The following CNTNAP2 variants were observed in gnomAD, a reference collection of about 807,000 sequenced individuals.
CNTNAP2 encodes the protein contactin associated protein 2.
CNTNAP2 carries 98 observed loss-of-function variants against 155.2 expected under a neutral mutation model. The ratio of observed to expected loss-of-function variants is 0.63; its 90% CI spans 0.54 to 0.75. CNTNAP2 has a LOEUF of 0.75. CNTNAP2 is among the 30% of genes least tolerant of loss of function. The probability of loss-of-function intolerance (pLI) is 0.00; values close to 1 mark genes in which losing one functional copy is unlikely to be tolerated. For synonymous variants in CNTNAP2, 651 were observed against 631.2 expected, an observed-to-expected ratio of 1.03 and a Z score of -0.47; for missense variants, 1,727 against 1,688.1, an observed-to-expected ratio of 1.02 and a Z score of -0.40.
chr7:147,975,410 T>C (rs538900957), intron 14 of CNTNAP2, among the ~76,000 whole-genome samples: 86 of 151,988 alleles, frequency 5.7e-4, no homozygotes, highest in Non-Finnish European at 1.0e-3. Flanking sequence ...GTAAAATTCA[T>C]TGAACTGTAC....
chr7:146,555,828 G>A (rs1403517599), intron 1 of CNTNAP2, among the ~76,000 whole-genome samples: 1 of 152,102 alleles, frequency 6.6e-6, no homozygotes, highest in African/African-American at 2.4e-5. Context: ...TGACCTGGAA[G>A]AACATGTCTA....
At chr7:146,295,407 G>A (rs1171809053) in intron 1 of CNTNAP2, among the ~76,000 whole-genome samples, 1 of 152,042 alleles carries the variant, frequency 6.6e-6, no homozygotes, top group Non-Finnish European at 1.5e-5. Flanking sequence ...CAGTTTTCTA[G>A]GCTGGCTGAT....
chr7:146,335,765 C>T (rs1459970322), intron 1 of CNTNAP2, among the ~76,000 whole-genome samples: 4 of 152,164 alleles, frequency 2.6e-5, no homozygotes, highest in Non-Finnish European at 5.9e-5. Context: ...CATTTCCACA[C>T]ACAATCTGAA....
chr7:146,855,997 A>C (rs1184399525), intron 3 of CNTNAP2, among the ~76,000 whole-genome samples: 1 of 151,632 alleles, frequency 6.6e-6, no homozygotes, highest in Non-Finnish European at 1.5e-5. Flanking sequence ...CTAGTTAGAA[A>C]AATTTTACCA....
At chr7:148,309,876 G>T (rs1434935175) in intron 21 of CNTNAP2, among the ~76,000 whole-genome samples, 1 of 152,150 alleles carries the variant, frequency 6.6e-6, no homozygotes, top group African/African-American at 2.4e-5. Context: ...TAGTGGTAAA[G>T]TGTTGGGACG....
chr7:147,068,635 G>T (rs1799830319), intron 4 of CNTNAP2, among the ~76,000 whole-genome samples: 1 of 152,136 alleles, frequency 6.6e-6, no homozygotes, highest in Admixed American at 6.6e-5. Flanking sequence ...GGAACTACAG[G>T]CATGAGCCAC....
At chr7:147,733,613 A>AT (rs1323638162) in intron 13 of CNTNAP2, among the ~76,000 whole-genome samples, 5 of 152,148 alleles carry the variant, frequency 3.3e-5, no homozygotes, top group African/African-American at 1.2e-4. Flanking sequence ...CTTGGGCAAT[A>AT]TGGCCATTTT....
intron 3 of CNTNAP2, among the ~76,000 whole-genome samples, chr7:147,022,234 C>G (rs533699119): frequency 3.0e-4 from 46 of 152,060 alleles, no homozygotes; most frequent in Non-Finnish European, 5.4e-4. Flanking sequence ...TTCAGTGAGT[C>G]ATTGCCTGCC....
intron 20 of CNTNAP2, among the ~76,000 whole-genome samples, chr7:148,237,250 A>C (rs536697445): frequency 3.9e-5 from 6 of 152,230 alleles, no homozygotes; most frequent in Admixed American, 3.9e-4. Flanking sequence ...TCTTTCCCAC[A>C]TAATAGTAAA....
chr7:147,965,455 A>G (rs1246892468), intron 14 of CNTNAP2, among the ~76,000 whole-genome samples: 1 of 151,654 alleles, frequency 6.6e-6, no homozygotes, highest in Admixed American at 6.6e-5. Flanking sequence ...CTCCCATTTA[A>G]TTATCAGCTA....
chr7:146,627,998 G>A (rs552838888), intron 1 of CNTNAP2, among the ~76,000 whole-genome samples: 4 of 152,000 alleles, frequency 2.6e-5, no homozygotes, highest in Admixed American at 6.6e-5. Flanking sequence ...GTGTGGTCAC[G>A]TATATCTTTG....
At chr7:146,992,716 T>C (rs1440312725) in intron 3 of CNTNAP2, among the ~76,000 whole-genome samples, 1 of 152,108 alleles carries the variant, frequency 6.6e-6, no homozygotes, top group African/African-American at 2.4e-5. Flanking sequence ...ATTTTTTTTT[T>C]CTAGAACCAA....
At chr7:146,130,815 C>A (rs950804936) in intron 1 of CNTNAP2, among the ~76,000 whole-genome samples, 2 of 152,114 alleles carry the variant, frequency 1.3e-5, no homozygotes, top group African/African-American at 4.8e-5. Context: ...AGCAAAGGCA[C>A]GTCTTACATG....
intron 1 of CNTNAP2, among the ~76,000 whole-genome samples, chr7:146,213,246 A>C (rs1799063097): frequency 6.6e-6 from 1 of 152,292 alleles, no homozygotes; most frequent in Non-Finnish European, 1.5e-5. Flanking sequence ...AATTTAAAAG[A>C]AGCTTTCTTT....
At chr7:146,990,395 A>G (rs1437157531) in intron 3 of CNTNAP2, among the ~76,000 whole-genome samples, 1 of 152,182 alleles carries the variant, frequency 6.6e-6, no homozygotes, top group Non-Finnish European at 1.5e-5. Context: ...CTGACTGTAT[A>G]TCTGCCTTGT....
At chr7:146,547,729 T>A (rs1462478584) in intron 1 of CNTNAP2, among the ~76,000 whole-genome samples, 1 of 152,028 alleles carries the variant, frequency 6.6e-6, no homozygotes, top group East Asian at 1.9e-4. Context: ...TAGGTTGTTT[T>A]CATACCTTGG....
intron 1 of CNTNAP2, among the ~76,000 whole-genome samples, chr7:146,281,297 TG>T (rs1303470364): frequency 3.3e-4 from 50 of 152,348 alleles, no homozygotes; most frequent in Middle Eastern, 3.4e-3. Flanking sequence ...TAATAAAGGT[TG>T]AGTAACTTCC....
At chr7:148,231,661 G>C (rs773465237) in intron 20 of CNTNAP2, among the ~76,000 whole-genome samples, 3 of 152,044 alleles carry the variant, frequency 2.0e-5, no homozygotes, top group Non-Finnish European at 2.9e-5. Context: ...GGAGTACTGG[G>C]CTCATGTCTT....
chr7:148,370,656 TG>T (rs1798871283), intron 21 of CNTNAP2, among the ~76,000 whole-genome samples: 2 of 148,238 alleles, frequency 1.3e-5, no homozygotes, highest in Non-Finnish European at 3.0e-5. Flanking sequence ...TGCCCTTCCC[TG>T]GTGTTTCCAC....
Sources: gnomAD v4.1 joint callset for allele counts (sites outside exome capture counted in the v4.1 genomes callset) on GRCh38, gnomAD v4.1.1 for gene constraint, MANE v1.5 for transcripts, NCBI Gene and HGNC (gene_info 2026-07-23, HGNC 2026-07-21) for gene names.